The following LHFPL6 variants were observed in gnomAD, a reference collection of about 807,000 sequenced individuals.
The protein encoded by LHFPL6 is LHFPL tetraspan subfamily member 6 protein.
LHFPL6 carries 9 observed loss-of-function variants against 20.6 expected under a neutral mutation model. The observed-to-expected ratio is 0.44, with a 90% CI of 0.26 to 0.76. The LOEUF (loss-of-function observed/expected upper bound fraction) is 0.76. Ranked by LOEUF, LHFPL6 falls within the 30% of genes least tolerant of loss-of-function variation. The pLI is 0.20. For synonymous variants in LHFPL6, 105 were observed against 98.7 expected, an observed-to-expected ratio of 1.06 and a Z score of -0.38; for missense variants, 218 against 253.5, an observed-to-expected ratio of 0.86 and a Z score of 0.95.
At chr13:39,366,482 T>G (rs1870017244) in intron 3 of LHFPL6, among the ~76,000 whole-genome samples, 1 of 152,224 alleles carries the variant, frequency 6.6e-6, no homozygotes, top group Non-Finnish European at 1.5e-5. Flanking sequence ...ACTCGAGTTG[T>G]GGTTTCCCTT....
chr13:39,568,412 A>G (rs1285080457), intron 2 of LHFPL6, among the ~76,000 whole-genome samples: 1 of 152,196 alleles, frequency 6.6e-6, no homozygotes, highest in East Asian at 1.9e-4. Context: ...ACAATGACCA[A>G]TTCTGAAAAT....
chr13:39,367,046 C>A (rs1870031399), intron 3 of LHFPL6, among the ~76,000 whole-genome samples: 1 of 152,200 alleles, frequency 6.6e-6, no homozygotes, highest in Admixed American at 6.5e-5. Context: ...CTGTGAAGAA[C>A]AATCTCCAAC....
chr13:39,381,735 T>TA (rs904328909), intron 2 of LHFPL6, among the ~76,000 whole-genome samples: 2 of 148,540 alleles, frequency 1.3e-5, no homozygotes, highest in East Asian at 2.0e-4. Flanking sequence ...GAGTAAGGGT[T>TA]AAAAAAAATT....
intron 2 of LHFPL6, among the ~76,000 whole-genome samples, chr13:39,480,822 T>C (rs898936531): frequency 1.3e-5 from 2 of 152,200 alleles, no homozygotes; most frequent in African/African-American, 2.4e-5. Context: ...CTTTGATCTA[T>C]AGAATTTGAA....
chr13:39,443,927 T>A (rs765553500), intron 2 of LHFPL6, among the ~76,000 whole-genome samples: 1 of 151,940 alleles, frequency 6.6e-6, no homozygotes, highest in Non-Finnish European at 1.5e-5. Context: ...TATGGTAGGC[T>A]ATCCTAAGCT....
intron 2 of LHFPL6, among the ~76,000 whole-genome samples, chr13:39,437,876 T>G (rs1872006587): frequency 7.0e-6 from 1 of 143,194 alleles, no homozygotes. Flanking sequence ...CACTCCAGCC[T>G]GGGTGACAGA....
Position 39,489,180 on chromosome 13 carries a change from G to A in LHFPL6, c.386-110654C>T, listed in dbSNP as rs1868829381. On this transcript the variant is annotated intron_variant, in intron 2 of 3. Coordinates refer to ENST00000379589, the MANE Select transcript of LHFPL6 (RefSeq NM_005780.3). ...GTTTGATGTCCACATCAAAACTGGT[G>A]TGCAAGTCACTGAACAATGGTATGA... 2.6e-5 allele frequency among the ~76,000 whole-genome samples: 4 copies of A among 152,306 alleles called. No individual in the cohort carries two copies. In the South Asian group the frequency reaches 8.3e-4, roughly 32 times the overall value.
At chr13:39,443,802 A>C (rs1423420165) in intron 2 of LHFPL6, among the ~76,000 whole-genome samples, 1 of 151,710 alleles carries the variant, frequency 6.6e-6, no homozygotes, top group Non-Finnish European at 1.5e-5. Context: ...GTACCCATAC[A>C]ACCATCCTGT....
intron 2 of LHFPL6, among the ~76,000 whole-genome samples, chr13:39,543,781 C>T (rs777683949): frequency 5.9e-5 from 9 of 152,102 alleles, no homozygotes; most frequent in Non-Finnish European, 1.0e-4. Context: ...CAGGAATCTA[C>T]GACTGTAGCC....
In LHFPL6 at chr13:39,342,952, T is replaced by G. The variant is rs992570637; in HGVS notation, c.*984A>C. 2 of 183,550 alleles carry G rather than the reference T, an allele frequency of 1.1e-5. No individual in the cohort carries two copies. The highest frequency in any genetic ancestry group is 4.7e-5 in the African/African-American group (2 of 42,566). 11.4% of individuals were successfully genotyped at this position (183,550 alleles called of 1,614,324 possible). A position where few individuals can be genotyped will look rare whatever the true frequency, so the allele number is the denominator to read the frequency against. On this transcript the variant is annotated 3_prime_UTR_variant, in exon 4 of 4. Transcript: ENST00000379589. ...TCAAATACAAACAAAATAGCACTTT[T>G]AAATTTTTTACAAAATGAATATAGA...
chr13:39,594,579 A>G (rs1872713684), intron 2 of LHFPL6, among the ~76,000 whole-genome samples: 3 of 152,296 alleles, frequency 2.0e-5, no homozygotes, highest in East Asian at 1.9e-4. Context: ...GGGATCTAGA[A>G]CTAGAAATAC....
intron 2 of LHFPL6, among the ~76,000 whole-genome samples, chr13:39,552,926 A>G (rs1409764457): frequency 6.6e-6 from 1 of 152,216 alleles, no homozygotes; most frequent in Non-Finnish European, 1.5e-5. Flanking sequence ...GTGGTGACCA[A>G]GAATGAGGAT....
intron 2 of LHFPL6, among the ~76,000 whole-genome samples, chr13:39,380,861 G>T (rs1339246180): frequency 6.6e-6 from 1 of 152,114 alleles, no homozygotes; most frequent in Non-Finnish European, 1.5e-5. Context: ...TAGGTTGCAT[G>T]CTCCTTATGA....
chr13:39,527,420 T>C (rs1434813632), intron 2 of LHFPL6, among the ~76,000 whole-genome samples: 1 of 151,938 alleles, frequency 6.6e-6, no homozygotes, highest in African/African-American at 2.4e-5. Context: ...AACAGACAGC[T>C]GCAGTTGGAG....
chr13:39,539,820 T>C (rs138438217), intron 2 of LHFPL6, among the ~76,000 whole-genome samples: 7 of 152,348 alleles, frequency 4.6e-5, no homozygotes, highest in African/African-American at 1.4e-4. Context: ...AGAGGATTAA[T>C]TAAGTTGCCC....
At chr13:39,413,542 C>T (rs1034852700) in intron 2 of LHFPL6, among the ~76,000 whole-genome samples, 1 of 149,674 alleles carries the variant, frequency 6.7e-6, no homozygotes, top group African/African-American at 2.5e-5. Context: ...CCTCAACCTC[C>T]TGTGTATCTG....
At chr13:39,501,230 T>C (rs1165826234) in intron 2 of LHFPL6, among the ~76,000 whole-genome samples, 1 of 152,196 alleles carries the variant, frequency 6.6e-6, no homozygotes, top group Non-Finnish European at 1.5e-5. Context: ...GCAGGCCTTT[T>C]GATTCCCAGT....
intron 2 of LHFPL6, among the ~76,000 whole-genome samples, chr13:39,443,520 T>C (rs1239570408): frequency 1.3e-5 from 2 of 152,090 alleles, no homozygotes; most frequent in Non-Finnish European, 2.9e-5. Flanking sequence ...AGCAAGCTAG[T>C]AAAAGCTTGG....
chr13:39,597,390 C>A (rs1872802543), intron 2 of LHFPL6, among the ~76,000 whole-genome samples: 1 of 152,110 alleles, frequency 6.6e-6, no homozygotes, highest in African/African-American at 2.4e-5. Context: ...AATACGTGCA[C>A]CAAAAAGTTT....
Sources: allele counts gnomAD v4.1 joint callset (sites outside exome capture counted in the v4.1 genomes callset), GRCh38; gene constraint gnomAD v4.1.1; transcripts MANE v1.5; gene names NCBI Gene and HGNC (gene_info 2026-07-23, HGNC 2026-07-21).